Variants in FLI1 observed in about 807,000 individuals in gnomAD.
FLI1 encodes the protein Fli-1 proto-oncogene, ETS transcription factor, also known as Friend leukemia integration 1 transcription factor.
FLI1 carries 13 observed loss-of-function variants against 53.1 expected under a neutral mutation model. That is an observed-to-expected ratio of 0.24 (90% confidence interval 0.16 to 0.39). The LOEUF (loss-of-function observed/expected upper bound fraction) is 0.39, where lower values mean the gene tolerates loss of function less well. Ranked by LOEUF, FLI1 falls within the 10% of genes least tolerant of loss-of-function variation. FLI1 has a pLI of 1.00. For missense variants in FLI1, 424 were observed against 600.5 expected (o/e 0.71, Z 3.07); for synonymous variants, 244 against 236.7 (o/e 1.03, Z -0.28).
At chr11:128,776,260 C>T (rs1941723052) in intron 4 of FLI1, among the ~76,000 whole-genome samples, 1 of 152,142 alleles carries the variant, frequency 6.6e-6, no homozygotes, top group Non-Finnish European at 1.5e-5. Flanking sequence ...GGAGCTGTGT[C>T]ACACGCCACA....
intron 5 of FLI1, among the ~76,000 whole-genome samples, chr11:128,796,084 G>C (rs1942435232): frequency 6.7e-6 from 1 of 150,282 alleles, no homozygotes; most frequent in Admixed American, 6.6e-5. Context: ...GCAAAGCAAG[G>C]AGTTCTGACC....
At chr11:128,744,590 C>T (rs1356493956) in intron 1 of FLI1, among the ~76,000 whole-genome samples, 1 of 152,196 alleles carries the variant, frequency 6.6e-6, no homozygotes, top group East Asian at 1.9e-4. Flanking sequence ...CAGATCCTGA[C>T]AGTCTGGCTC....
chr11:128,768,677 A>C (rs1941443353), intron 3 of FLI1, among the ~76,000 whole-genome samples: 1 of 121,604 alleles, frequency 8.2e-6, no homozygotes, highest in Non-Finnish European at 1.6e-5. Flanking sequence ...TGATGGAATG[A>C]GACTCTGTCT....
At chr11:128,790,356 G>C (rs1453673862) in intron 5 of FLI1, among the ~76,000 whole-genome samples, 1 of 151,762 alleles carries the variant, frequency 6.6e-6, no homozygotes, top group Non-Finnish European at 1.5e-5. Context: ...GGGGAGGAGG[G>C]AGAGCGAGAG....
chr11:128,702,865 GAA>G (rs10677310), intron 1 of FLI1, among the ~76,000 whole-genome samples: 2 of 134,726 alleles, frequency 1.5e-5, no homozygotes, highest in African/African-American at 2.7e-5. Context: ...CTGTCTCAAA[GAA>G]AAAAAAAAAA....
chr11:128,812,507 A>T lies in FLI1; in HGVS notation c.*1519A>T, dbSNP rs1942959214. 8.9e-6 allele frequency: 2 copies of T among 224,912 alleles called. No individual in the cohort carries two copies. Among genetic ancestry groups the T allele is most frequent in the Non-Finnish European group, 1.8e-5 (2 of 112,804 alleles). The allele number at this position is 224,912 out of a possible 1,614,324, so 13.9% of individuals were successfully genotyped here. A position where few individuals can be genotyped will look rare whatever the true frequency, so the allele number is the denominator to read the frequency against. On this transcript the variant is annotated 3_prime_UTR_variant, in exon 9 of 9. Transcript: ENST00000527786. Reference sequence around the variant, plus strand: ...CCTATTTACTTCTTGCACTATCAAGAATTTTTCGAATGTACCTACTGCAGT... The same window carrying T: ...CCTATTTACTTCTTGCACTATCAAGTATTTTTCGAATGTACCTACTGCAGT...
At chr11:128,708,299 T>C (rs1565459265) in intron 1 of FLI1, among the ~76,000 whole-genome samples, 1 of 152,232 alleles carries the variant, frequency 6.6e-6, no homozygotes, top group Non-Finnish European at 1.5e-5. Context: ...AACAGGTGGA[T>C]TGGCATTTTC....
intron 4 of FLI1, among the ~76,000 whole-genome samples, chr11:128,776,334 G>A (rs1941726206): frequency 1.3e-5 from 2 of 152,222 alleles, no homozygotes; most frequent in South Asian, 4.2e-4. Context: ...TGGCTGGGGT[G>A]GCCACGGTTC....
At chr11:128,799,712 G>C (rs915695896) in intron 5 of FLI1, among the ~76,000 whole-genome samples, 2 of 152,174 alleles carry the variant, frequency 1.3e-5, no homozygotes. Flanking sequence ...GCGCGGACTC[G>C]AGCAAAGACT....
intron 5 of FLI1, among the ~76,000 whole-genome samples, chr11:128,786,429 G>A (rs1026201774): frequency 1.3e-5 from 2 of 152,194 alleles, no homozygotes; most frequent in East Asian, 1.9e-4. Context: ...ACAACTGTAC[G>A]TTCGTACATC....
At chr11:128,802,166 TCATAC>T (rs1314801664) in intron 5 of FLI1, among the ~76,000 whole-genome samples, 4 of 152,230 alleles carry the variant, frequency 2.6e-5, no homozygotes, top group Non-Finnish European at 4.4e-5. Context: ...GCCTGGTTCT[TCATAC>T]CCCTAGGGCA....
intron 5 of FLI1, among the ~76,000 whole-genome samples, chr11:128,798,601 T>A (rs887649547): frequency 2.6e-5 from 4 of 152,180 alleles, no homozygotes; most frequent in Non-Finnish European, 5.9e-5. Flanking sequence ...GCTGTTGGAT[T>A]CCAGGACAAG....
At chr11:128,758,442 G>A in intron 2 of FLI1, 116 bp downstream of exon 2, 2 of 806,256 alleles carry the variant, frequency 2.5e-6, no homozygotes, top group Middle Eastern at 2.3e-4. Flanking sequence ...AGCTGGGCCA[G>A]GAAGCCTGTG....
intron 5 of FLI1, among the ~76,000 whole-genome samples, chr11:128,801,674 C>A (rs1378371784): frequency 6.6e-6 from 1 of 152,176 alleles, no homozygotes; most frequent in Non-Finnish European, 1.5e-5. Context: ...AGGGTAGGAG[C>A]ACTGGGTTCT....
intron 1 of FLI1, among the ~76,000 whole-genome samples, chr11:128,728,418 G>A (rs565835907): frequency 1.3e-5 from 2 of 152,276 alleles, no homozygotes; most frequent in Admixed American, 1.3e-4. Flanking sequence ...GCACCTCTTA[G>A]CTGTGTCACC....
intron 2 of FLI1, chr11:128,764,536 T>C (rs1225595345): frequency 2.1e-6 from 2 of 973,032 alleles, no homozygotes; most frequent in Non-Finnish European, 3.1e-6. Flanking sequence ...CCCAGCCCCA[T>C]GCTAGCTGTA....
At chr11:128,809,103 G>A (rs1031136279) in intron 7 of FLI1, 54 bp from the exon 8 acceptor site, 29 of 1,401,840 alleles carry the variant, frequency 2.1e-5, no homozygotes, top group Admixed American at 6.8e-5. Context: ...TGGTTGGTAC[G>A]GTTGTCATAT....
intron 5 of FLI1, among the ~76,000 whole-genome samples, chr11:128,792,408 T>C (rs1326279998): frequency 3.3e-5 from 5 of 152,378 alleles, no homozygotes; most frequent in Admixed American, 3.3e-4. Context: ...AGAAGCAATC[T>C]AGCAATTTAG....
chr11:128,753,942 T>C (rs1940755053), intron 1 of FLI1, among the ~76,000 whole-genome samples: 1 of 152,212 alleles, frequency 6.6e-6, no homozygotes, highest in South Asian at 2.1e-4. Flanking sequence ...AGGGGTGCCG[T>C]TTATTTGCAG....
Sources: allele counts gnomAD v4.1 joint callset (sites outside exome capture counted in the v4.1 genomes callset), GRCh38; gene constraint gnomAD v4.1.1; transcripts MANE v1.5; gene names NCBI Gene and HGNC (gene_info 2026-07-23, HGNC 2026-07-21).